The following XYLT1 variants were observed in gnomAD, a reference collection of about 807,000 sequenced individuals.
The protein encoded by XYLT1 is beta-D-xylosyltransferase 1.
Under a neutral mutation model 91.3 loss-of-function variants are expected in XYLT1, and 36 were observed. The observed-to-expected ratio is 0.39, with a 90% confidence interval of 0.30 to 0.52. The LOEUF (loss-of-function observed/expected upper bound fraction) is 0.52, where lower values mean the gene tolerates loss of function less well. Among genes scored for constraint, XYLT1 ranks in the 20% least tolerant of loss-of-function variants. The pLI is 0.68. For missense variants in XYLT1, 1,242 were observed against 1,284.5 expected, an observed-to-expected ratio of 0.97 and a Z score of 0.51; for synonymous variants, 588 against 532.0, an observed-to-expected ratio of 1.11 and a Z score of -1.45.
Position 17,108,617 on chromosome 16 carries a change from G to A in XYLT1, c.*78C>T. On this transcript the variant is annotated 3_prime_UTR_variant, in exon 12 of 12. Coordinates refer to ENST00000261381, the MANE Select transcript of XYLT1 (RefSeq NM_022166.4). ...CAGAGGGCCTCCCCCAGGGTGGGAGGCCGGGGTTCAGGCCCCACAACCCCT... is the reference window on the plus strand; with the variant it reads ...CAGAGGGCCTCCCCCAGGGTGGGAGACCGGGGTTCAGGCCCCACAACCCCT... 2 of 1,386,786 alleles carry A rather than the reference G, an allele frequency of 1.4e-6. No homozygotes were observed. The highest frequency in any genetic ancestry group is 1.9e-6 in the Non-Finnish European group (2 of 1,045,928). 85.9% of individuals were successfully genotyped at this position (1,386,786 alleles called of 1,614,324 possible).
chr16:17,303,798 T>G (rs2034432265), intron 2 of XYLT1, among the ~76,000 whole-genome samples: 1 of 152,248 alleles, frequency 6.6e-6, no homozygotes, highest in Non-Finnish European at 1.5e-5. Flanking sequence ...ATCCAGGCAT[T>G]TGACCACATT....
intron 1 of XYLT1, among the ~76,000 whole-genome samples, chr16:17,401,125 T>C (rs537658397): frequency 6.6e-6 from 1 of 152,278 alleles, no homozygotes; most frequent in South Asian, 2.1e-4. Flanking sequence ...GGATGAGTTT[T>C]TTCAGAGATC....
chr16:17,429,718 A>C lies in XYLT1; in HGVS notation c.363+40716T>G, dbSNP rs192874688. Among the ~76,000 whole-genome samples the C allele has an allele frequency of 1.2e-3, 179 of 152,214 alleles. 1 individual carries two copies. The highest frequency in any genetic ancestry group is 4.0e-3 in the African/African-American group (167 of 41,528). ...TGGAGGGCCCACAAAGAGGGAGAGA[A>C]AGAAATTTATTTTTCTTGCATTACT... On this transcript the variant is annotated intron_variant, in intron 1 of 11. Transcript: ENST00000261381.
chr16:17,282,076 A>G (rs2034066469), intron 2 of XYLT1, among the ~76,000 whole-genome samples: 1 of 152,124 alleles, frequency 6.6e-6, no homozygotes, highest in Non-Finnish European at 1.5e-5. Context: ...TCTACCTCCA[A>G]ATAATGATGG....
At chr16:17,187,724 C>T (rs1321640666) in intron 5 of XYLT1, among the ~76,000 whole-genome samples, 1 of 151,882 alleles carries the variant, frequency 6.6e-6, no homozygotes, top group Non-Finnish European at 1.5e-5. Flanking sequence ...CAGTCCACTG[C>T]AACCTCCGCC....
chr16:17,222,946 A>G (rs1212012053), intron 3 of XYLT1, among the ~76,000 whole-genome samples: 2 of 151,302 alleles, frequency 1.3e-5, no homozygotes, highest in African/African-American at 4.9e-5. Context: ...AATCAAGAAC[A>G]CCAAGCGGGG....
chr16:17,208,006 A>G (rs2032687240), intron 3 of XYLT1, among the ~76,000 whole-genome samples: 1 of 151,762 alleles, frequency 6.6e-6, no homozygotes, highest in African/African-American at 2.4e-5. Flanking sequence ...TCTTTTTCAG[A>G]GATTGAGTCT....
At chr16:17,402,333 A>C (rs1341870520) in intron 1 of XYLT1, among the ~76,000 whole-genome samples, 3 of 152,016 alleles carry the variant, frequency 2.0e-5, no homozygotes, top group Non-Finnish European at 2.9e-5. Context: ...AAAACAAAAA[A>C]AAAAGGGTTT....
chr16:17,408,865 C>A (rs536254301), intron 1 of XYLT1, among the ~76,000 whole-genome samples: 55 of 150,300 alleles, frequency 3.7e-4, no homozygotes, highest in Admixed American at 6.0e-4. Context: ...CAAAACAAAA[C>A]AAAAAAAAAG....
chr16:17,455,866 C>T (rs555188080), intron 1 of XYLT1, among the ~76,000 whole-genome samples: 2 of 152,200 alleles, frequency 1.3e-5, no homozygotes, highest in Non-Finnish European at 2.9e-5. Context: ...GCAAAACCTG[C>T]GCTGGACTCT....
At chr16:17,220,661 T>C (rs2141608692) in intron 3 of XYLT1, among the ~76,000 whole-genome samples, 1 of 152,196 alleles carries the variant, frequency 6.6e-6, no homozygotes. Flanking sequence ...TTAGTAGAGA[T>C]GGGATTTCAC....
intron 1 of XYLT1, among the ~76,000 whole-genome samples, chr16:17,372,455 G>C (rs2035547578): frequency 6.6e-6 from 1 of 152,190 alleles, no homozygotes; most frequent in Admixed American, 6.5e-5. Flanking sequence ...TGTTAGAGGG[G>C]CACAGTGTCA....
chr16:17,398,987 G>C (rs1437598382), intron 1 of XYLT1, among the ~76,000 whole-genome samples: 4 of 151,898 alleles, frequency 2.6e-5, no homozygotes, highest in Admixed American at 6.6e-5. Flanking sequence ...TGGGATTACA[G>C]GTGCATGCCG....
rs1429914402 is a variant in XYLT1 at position 17,213,096 on chromosome 16, G to A, written c.914-12442C>T. Among the ~76,000 whole-genome samples the A allele has an allele frequency of 2.0e-5, 3 of 152,174 alleles. No individual in the cohort carries two copies. The East Asian group carries it at 5.8e-4, about 29-fold the overall frequency. Reference sequence around the variant, plus strand: ...GTGTTGGAGGTGGGACCTGGTGGGAGGTGACTGGATCATGGGGGTGGATCC... The same window carrying A: ...GTGTTGGAGGTGGGACCTGGTGGGAAGTGACTGGATCATGGGGGTGGATCC... On this transcript the variant is annotated intron_variant, in intron 3 of 11. Coordinates refer to ENST00000261381, the MANE Select transcript of XYLT1 (RefSeq NM_022166.4).
intron 2 of XYLT1, among the ~76,000 whole-genome samples, chr16:17,334,905 A>T (rs1433625386): frequency 2.0e-5 from 3 of 151,022 alleles, no homozygotes; most frequent in African/African-American, 7.3e-5. Flanking sequence ...CAAAAAAAAG[A>T]TCAACTATTT....
chr16:17,258,945 T>C, intron 3 of XYLT1, 43 bp downstream of exon 3: 1 of 1,470,622 alleles, frequency 6.8e-7, no homozygotes, highest in Non-Finnish European at 9.0e-7. Context: ...GAGGAGGAAG[T>C]GGCCAGGAGA....
chr16:17,254,259 C>G (rs1216206843), intron 3 of XYLT1, among the ~76,000 whole-genome samples: 1 of 152,192 alleles, frequency 6.6e-6, no homozygotes, highest in Non-Finnish European at 1.5e-5. Context: ...TCTTCTCCTC[C>G]TTTTCCTCAA....
At chr16:17,129,408 T>A (rs2030387725) in intron 9 of XYLT1, among the ~76,000 whole-genome samples, 1 of 152,058 alleles carries the variant, frequency 6.6e-6, no homozygotes, top group Non-Finnish European at 1.5e-5. Context: ...ATTACAGGCA[T>A]CAGCCACCAT....
chr16:17,455,484 C>T (rs889467395), intron 1 of XYLT1, among the ~76,000 whole-genome samples: 3 of 152,054 alleles, frequency 2.0e-5, no homozygotes, highest in African/African-American at 7.3e-5. Flanking sequence ...GGCACAGCAG[C>T]TCACACCTGT....
Sources: allele counts gnomAD v4.1 joint callset (sites outside exome capture counted in the v4.1 genomes callset), GRCh38; gene constraint gnomAD v4.1.1; transcripts MANE v1.5; gene names NCBI Gene and HGNC (gene_info 2026-07-23, HGNC 2026-07-21).